Variants in HEPH observed in about 807,000 individuals in gnomAD.
The protein encoded by HEPH is hephaestin.
HEPH carries 69 observed loss-of-function variants against 80.8 expected under a neutral mutation model. The observed-to-expected ratio is 0.85, with a 90% CI of 0.70 to 1.04. The LOEUF (loss-of-function observed/expected upper bound fraction) is 1.04. HEPH is among the 50% of genes least tolerant of loss of function. HEPH has a pLI of 0.00. For synonymous variants in HEPH, 431 were observed against 322.8 expected, an observed-to-expected ratio of 1.34 and a Z score of -3.60; for missense variants, 1,115 against 891.3, an observed-to-expected ratio of 1.25 and a Z score of -3.20.
intron 15 of HEPH, 57 bp from the exon 16 acceptor site, chrX:66,254,978 G>T: frequency 1.3e-6 from 1 of 773,981 alleles, no homozygotes; most frequent in East Asian, 3.3e-5. Flanking sequence ...GGGAGACCTG[G>T]GAGTTGAGAG....
At position 66,189,951 on chromosome X, in the gene HEPH, A is replaced by G. The variant is rs1337077606; in HGVS notation, c.1063+13A>G. The stretch of plus-strand genomic sequence containing the variant: ...AGTCACTTTCGAGGTGAGATCCAAC[A>G]TTTCTGACCATTGGGTTGTAAGAGA... On this transcript the variant is annotated intron_variant, in intron 6 of 20. Transcript: ENST00000343002. 1 of 1,161,406 alleles carries G rather than the reference A, an allele frequency of 8.6e-7. No individual in the cohort carries two copies. Among genetic ancestry groups the G allele is most frequent in the South Asian group, 2.0e-5 (1 of 51,062 alleles).
intron 1 of HEPH, among the ~76,000 whole-genome samples, chrX:66,164,861 A>G (rs2086290931): frequency 1.8e-5 from 2 of 112,485 alleles, no homozygotes; most frequent in South Asian, 7.4e-4. Context: ...TTTTGAGACC[A>G]GATTGGCACA....
intron 19 of HEPH, 72 bp downstream of exon 19, chrX:66,260,334 A>C: frequency 1.1e-6 from 1 of 891,914 alleles, no homozygotes. Context: ...GGTAATACCA[A>C]AAAGCCTCTT....
chrX:66,231,662 T>C (rs1381344759), intron 15 of HEPH, among the ~76,000 whole-genome samples: 2 of 109,653 alleles, frequency 1.8e-5, no homozygotes, highest in African/African-American at 6.7e-5. Flanking sequence ...GCTTATCAGC[T>C]TAAGGAGATT....
intron 1 of HEPH, among the ~76,000 whole-genome samples, chrX:66,168,602 C>A (rs764344781): frequency 9.0e-6 from 1 of 111,599 alleles, no homozygotes; most frequent in Admixed American, 9.5e-5. Flanking sequence ...GTCACTGCTG[C>A]GTATGGAGAG....
At chrX:66,194,979 A>T (rs1273839197) in intron 8 of HEPH, 119 bp from the exon 9 acceptor site, 1 of 541,026 alleles carries the variant, frequency 1.8e-6, no homozygotes, top group African/African-American at 2.4e-5. Context: ...TACAAAGAAA[A>T]GTTTTTTATT....
chrX:66,192,363 T>A, intron 7 of HEPH, 65 bp downstream of exon 7: 2 of 1,038,165 alleles, frequency 1.9e-6, no homozygotes, highest in Non-Finnish European at 2.6e-6. Flanking sequence ...ATTTATTATC[T>A]TTCTTCCAGA....
Position 66,245,862 on chromosome X carries a change from G to T in HEPH, c.2564-9173G>T, listed in dbSNP as rs766690168. 4.4e-5 allele frequency among the ~76,000 whole-genome samples: 5 copies of T among 112,392 alleles called. No individual in the cohort carries two copies. The South Asian group carries it at 1.9e-3, about 42-fold the overall frequency. On this transcript the variant is annotated intron_variant, in intron 15 of 20. Coordinates refer to ENST00000343002, the MANE Select transcript of HEPH (RefSeq NM_001367233.3). Reference sequence around the variant, plus strand: ...CGCTCAACTACATGGAAACTGAGTAGAATGGTTTTGATTCTAGTCTACTCC... The same window carrying T: ...CGCTCAACTACATGGAAACTGAGTATAATGGTTTTGATTCTAGTCTACTCC...
At position 66,267,010 on chromosome X, in the gene HEPH, A is replaced by C. The variant is rs1389089197; in HGVS notation, c.*338A>C. ...GTATCCTTCTCACAAAGTAGAGACCAAGAGAAAAACTCATTGATTGGGTTT... is the reference window on the plus strand; with the variant it reads ...GTATCCTTCTCACAAAGTAGAGACCCAGAGAAAAACTCATTGATTGGGTTT... On this transcript the variant is annotated 3_prime_UTR_variant, in exon 21 of 21. Coordinates refer to ENST00000343002, the MANE Select transcript of HEPH (RefSeq NM_001367233.3). 3 of 175,161 alleles carry C rather than the reference A, an allele frequency of 1.7e-5. No individual in the cohort carries two copies. The highest frequency in any genetic ancestry group is 3.2e-5 in the Non-Finnish European group (3 of 94,174). 14.4% of individuals were successfully genotyped at this position (175,161 alleles called of 1,213,427 possible).
At chrX:66,237,901 T>C (rs922023144) in intron 15 of HEPH, among the ~76,000 whole-genome samples, 3 of 112,369 alleles carry the variant, frequency 2.7e-5, no homozygotes, top group Non-Finnish European at 5.6e-5. Context: ...TGATCTTTGT[T>C]GGTTTAAAGT....
intron 2 of HEPH, among the ~76,000 whole-genome samples, chrX:66,172,002 C>T (rs1223686486): frequency 8.9e-6 from 1 of 111,957 alleles, no homozygotes; most frequent in African/African-American, 3.2e-5. Flanking sequence ...GCCCTAAGGC[C>T]TCCCATATGT....
Position 66,188,313 on chromosome X carries a change from G to A in HEPH, c.626-46G>A, listed in dbSNP as rs1254510025. 4.9e-6 allele frequency: 5 copies of A among 1,021,915 alleles called. No homozygotes were observed. In the East Asian group the frequency reaches 1.3e-4, roughly 27 times the overall value. 84.2% of individuals were successfully genotyped at this position (1,021,915 alleles called of 1,213,427 possible). A position where few individuals can be genotyped will look rare whatever the true frequency, so the allele number is the denominator to read the frequency against. ...TGAGTACCCCTTTCAGCTTACTATT[G>A]CTAAGGAAAGGATCTTCTCAAGGGA... On this transcript the variant is annotated intron_variant, in intron 4 of 20. Transcript: ENST00000343002.
chrX:66,194,816 C>G (rs1207054824), intron 8 of HEPH, among the ~76,000 whole-genome samples: 1 of 111,450 alleles, frequency 9.0e-6, no homozygotes, highest in African/African-American at 3.3e-5. Context: ...CCACTTCTCT[C>G]AGCTGAAATT....
At chrX:66,234,264 AT>A (rs1394597262) in intron 15 of HEPH, among the ~76,000 whole-genome samples, 2 of 111,220 alleles carry the variant, frequency 1.8e-5, no homozygotes, top group African/African-American at 6.5e-5. Flanking sequence ...TGGCTGCGTA[AT>A]CTACAGTGTA....
Position 66,217,413 on chromosome X carries a change from A to AT in HEPH, c.2563+9173dup, listed in dbSNP as rs762077129. Among the ~76,000 whole-genome samples the AT allele has an allele frequency of 3.6e-5, 4 of 111,788 alleles. No homozygotes were observed. In the South Asian group the frequency reaches 1.5e-3, roughly 42 times the overall value. On this transcript the variant is annotated intron_variant, in intron 15 of 20. Coordinates refer to ENST00000343002, the MANE Select transcript of HEPH (RefSeq NM_001367233.3). ...CAAACTAAACAATTATCAGCCAAGA[A>AT]TTTTTTAACCAGCAAAACTAAGCTT...
At chrX:66,233,044 T>C (rs2090217330) in intron 15 of HEPH, among the ~76,000 whole-genome samples, 1 of 111,013 alleles carries the variant, frequency 9.0e-6, no homozygotes, top group South Asian at 3.8e-4. Flanking sequence ...AGCATGATTA[T>C]GATCTAAGCA....
At chrX:66,199,052 G>T in intron 11 of HEPH, 24 bp downstream of exon 11, 1 of 1,190,137 alleles carries the variant, frequency 8.4e-7, no homozygotes, top group East Asian at 3.0e-5. Context: ...TTTTGCCCTG[G>T]GCTAAATTGA....
intron 15 of HEPH, among the ~76,000 whole-genome samples, chrX:66,220,248 C>T (rs1319652948): frequency 9.0e-6 from 1 of 111,471 alleles, no homozygotes; most frequent in Non-Finnish European, 1.9e-5. Flanking sequence ...CAGCTAATTG[C>T]AAAAACAAAT....
intron 6 of HEPH, among the ~76,000 whole-genome samples, chrX:66,191,621 T>C (rs2087794784): frequency 8.9e-6 from 1 of 112,277 alleles, no homozygotes; most frequent in Non-Finnish European, 1.9e-5. Context: ...AGTCTGAAGC[T>C]TTATCTTCAC....
Sources: allele counts gnomAD v4.1 joint callset (sites outside exome capture counted in the v4.1 genomes callset), GRCh38; gene constraint gnomAD v4.1.1; transcripts MANE v1.5; gene names NCBI Gene and HGNC (gene_info 2026-07-23, HGNC 2026-07-21).